ATG14: variants seen among roughly 807,000 people sequenced by gnomAD.
The protein encoded by ATG14 is beclin 1-associated autophagy-related key regulator.
A neutral mutation model predicts 60.4 loss-of-function variants in ATG14; 35 were observed. The observed-to-expected ratio is 0.58, with a 90% CI of 0.44 to 0.77. The LOEUF (loss-of-function observed/expected upper bound fraction) is 0.77. Among genes scored for constraint, ATG14 ranks in the 30% least tolerant of loss-of-function variants. The probability of loss-of-function intolerance (pLI) is 0.00; values close to 1 mark genes in which losing one functional copy is unlikely to be tolerated. For synonymous variants in ATG14, 234 were observed against 228.8 expected (o/e 1.02, Z -0.21); for missense variants, 647 against 626.3 (o/e 1.03, Z -0.35).
chr14:55,377,889 G>T lies in ATG14; in HGVS notation c.1102C>A (p.Gln368Lys). 1.2e-6 allele frequency: 2 copies of T among 1,605,476 alleles called. No individual in the cohort carries two copies. Among genetic ancestry groups the T allele is most frequent in the Non-Finnish European group, 1.7e-6 (2 of 1,176,838 alleles). Reference protein sequence around the residue: ...LCFSQHVNLDQLQPLHTLRNL... With the variant: ...LCFSQHVNLDKLQPLHTLRNL... ...CTGAGGGTATGCAGTGGTTGTAATTGATCTAAATTTACATGCTAAAAAAAA... is the reference window on the plus strand; with the variant it reads ...CTGAGGGTATGCAGTGGTTGTAATTTATCTAAATTTACATGCTAAAAAAAA... The change falls in exon 9 of 10, where the codon CAA becomes AAA. Residue 368 changes from glutamine (Q) to lysine (K), a missense_variant. Gln to Lys is a moderately conservative substitution (Grantham distance 53). Transcript: ENST00000247178.
chr14:55,369,397 C>T lies in ATG14; in HGVS notation c.*222G>A. The T allele has an allele frequency of 2.5e-6, 1 of 399,014 alleles. No individual in the cohort carries two copies. Among genetic ancestry groups the T allele is most frequent in the South Asian group, 9.0e-5 (1 of 11,078 alleles). 24.7% of individuals were successfully genotyped at this position (399,014 alleles called of 1,614,324 possible). A position where few individuals can be genotyped will look rare whatever the true frequency, so the allele number is the denominator to read the frequency against. On this transcript the variant is annotated 3_prime_UTR_variant, in exon 10 of 10. Coordinates refer to ENST00000247178, the MANE Select transcript of ATG14 (RefSeq NM_014924.5). ...CCAGCACTGGTCTGGGTAGAAAGACCTTCGACCCCTGTTCTCTTAATTATC... is the reference window on the plus strand; with the variant it reads ...CCAGCACTGGTCTGGGTAGAAAGACTTTCGACCCCTGTTCTCTTAATTATC...
At position 55,402,964 on chromosome 14, in the gene ATG14, T is replaced by TATATAA. The variant is rs1555342968; in HGVS notation, c.222-5536_222-5531dup. 2.4e-3 allele frequency among the ~76,000 whole-genome samples: 143 copies of TATATAA among 59,714 alleles called. 1 individual carries two copies. The highest frequency in any genetic ancestry group is 4.1e-3 in the Non-Finnish European group (128 of 31,130). The allele number at this position is 59,714 out of a possible 152,430, so 39.2% of individuals were successfully genotyped here. On this transcript the variant is annotated intron_variant, in intron 1 of 9. Coordinates refer to ENST00000247178, the MANE Select transcript of ATG14 (RefSeq NM_014924.5). ...ATATATATATATATATATATATATATATATAAATAGCTGGGCATAGTGGTG... is the reference window on the plus strand; with the variant it reads ...ATATATATATATATATATATATATATATATAAATATAAATAGCTGGGCATAGTGGTG...
intron 3 of ATG14, chr14:55,395,174 T>C (rs559429343): frequency 1.1e-4 from 51 of 452,130 alleles, no homozygotes; most frequent in South Asian, 4.4e-4. Flanking sequence ...AGCGTGCCGA[T>C]CTCCTCTTGG....
chr14:55,406,020 G>A lies in ATG14; in HGVS notation c.221+5582C>T, dbSNP rs374844327. Among the ~76,000 whole-genome samples the A allele has an allele frequency of 2.7e-3, 418 of 152,162 alleles. 1 individual carries two copies. Among genetic ancestry groups the A allele is most frequent in the African/African-American group, 9.6e-3 (398 of 41,490 alleles). ...AAAGTTGTAGGGAAGTCTTCCCATC[G>A]AACAACGACAAAAAAATAATGAGTT... is the stretch of plus-strand genomic sequence containing the variant. On this transcript the variant is annotated intron_variant, in intron 1 of 9. Coordinates refer to ENST00000247178, the MANE Select transcript of ATG14 (RefSeq NM_014924.5).
At chr14:55,405,233 C>T (rs1245581752) in intron 1 of ATG14, among the ~76,000 whole-genome samples, 1 of 152,136 alleles carries the variant, frequency 6.6e-6, no homozygotes, top group Non-Finnish European at 1.5e-5. Flanking sequence ...GGCTGACAAA[C>T]AAAAATATAC....
intron 1 of ATG14, among the ~76,000 whole-genome samples, chr14:55,408,387 T>G (rs1885521661): frequency 6.6e-6 from 1 of 151,674 alleles, no homozygotes; most frequent in South Asian, 2.1e-4. Flanking sequence ...AACAGGGAGG[T>G]CAAAGCTGCA....
rs751079424 is a variant in ATG14, at chr14:55,377,824, T to G, written c.1167A>C (p.Leu389=). ...AGCAACAAATATCTTCTTACCTGCC[T>G]AGGTGTTCAGAGCTTGGACTGACCA... The part of the protein sequence containing the change: ...MYLVSPSSEH[L]GRSGPFEVRA... The change falls in exon 9 of 10, where the codon CTA becomes CTC. Residue 389 remains leucine, a synonymous_variant. Transcript: ENST00000247178. The G allele has an allele frequency of 3.8e-6, 6 of 1,576,534 alleles. No homozygotes were observed. The highest frequency in any genetic ancestry group is 5.1e-6 in the Non-Finnish European group (6 of 1,165,110).
chr14:55,380,577 T>C lies in ATG14; in HGVS notation c.991A>G (p.Asn331Asp). ...TTACCACCTTCAATTACTTGCCTGT[T>C]GCAGAGCTTTTTGGGAAGATTTACA... Reference protein sequence around the residue: ...LDVNLPKKLCNSEFCGENLSK... With the variant: ...LDVNLPKKLCDSEFCGENLSK... Residue 331 changes from asparagine to aspartate, a missense_variant, in exon 7 of 10, where the codon AAC becomes GAC. Asn to Asp is a conservative substitution (Grantham distance 23, BLOSUM62 1). Transcript: ENST00000247178. The C allele has an allele frequency of 2.5e-6, 4 of 1,600,888 alleles. No individual in the cohort carries two copies. The highest frequency in any genetic ancestry group is 3.4e-6 in the Non-Finnish European group (4 of 1,169,678).
intron 5 of ATG14, among the ~76,000 whole-genome samples, chr14:55,385,307 C>G (rs1885105054): frequency 6.6e-6 from 1 of 151,940 alleles, no homozygotes; most frequent in South Asian, 2.1e-4. Context: ...TTGTTTGTTT[C>G]TTTGAGACAG....
At chr14:55,372,066 T>C (rs560649017) in intron 9 of ATG14, among the ~76,000 whole-genome samples, 79 of 152,258 alleles carry the variant, frequency 5.2e-4, no homozygotes, top group Non-Finnish European at 1.0e-3. Flanking sequence ...AGAGCCATCT[T>C]TTCCGATTCC....
intron 2 of ATG14, among the ~76,000 whole-genome samples, chr14:55,396,339 A>G (rs1010620571): frequency 2.0e-5 from 3 of 152,260 alleles, no homozygotes; most frequent in Non-Finnish European, 4.4e-5. Flanking sequence ...GATACATGCC[A>G]GCATCTCCAC....
At chr14:55,389,462 C>A (rs530449703) in intron 4 of ATG14, among the ~76,000 whole-genome samples, 1 of 152,316 alleles carries the variant, frequency 6.6e-6, no homozygotes, top group South Asian at 2.1e-4. Flanking sequence ...CCGTGAAACT[C>A]CACGTGAGCA....
chr14:55,385,979 A>G lies in ATG14; in HGVS notation c.527T>C (p.Val176Ala), dbSNP rs1184543122. 1.2e-6 allele frequency: 2 copies of G among 1,614,096 alleles called. No individual in the cohort carries two copies. Among genetic ancestry groups the G allele is most frequent in the Non-Finnish European group, 8.5e-7 (1 of 1,179,998 alleles). ...TCTTAAGTCAATGGTCTTTTTTTCT[A>G]CCAGGTCACCAAGTTTGCGATTATG... Reference protein sequence around the residue: ...QRHNRKLGDLVEKKTIDLRSH... With the variant: ...QRHNRKLGDLAEKKTIDLRSH... Residue 176 changes from valine to alanine, a missense_variant, in exon 5 of 10, where the codon GTA (valine) becomes GCA (alanine). By Grantham distance (64) the Val-to-Ala change is moderately conservative. Transcript: ENST00000247178.
chr14:55,393,205 C>A (rs531605324), intron 3 of ATG14, among the ~76,000 whole-genome samples: 3 of 143,014 alleles, frequency 2.1e-5, no homozygotes, highest in Non-Finnish European at 3.1e-5. Context: ...CACGGTGAAA[C>A]CCCGTCTCTA....
intron 4 of ATG14, among the ~76,000 whole-genome samples, chr14:55,388,725 T>C (rs1487952710): frequency 1.3e-5 from 2 of 152,164 alleles, no homozygotes; most frequent in Non-Finnish European, 2.9e-5. Flanking sequence ...CCGAGCATAG[T>C]TTCTGGCCTC....
chr14:55,397,072 T>C lies in ATG14; in HGVS notation c.284+300A>G, dbSNP rs115854004. Reference sequence around the variant, plus strand: ...GTCCTATGGGAGCCACCAGCACTAATTTAAGTCTACTAATCATGCTGACTG... The same window carrying C: ...GTCCTATGGGAGCCACCAGCACTAACTTAAGTCTACTAATCATGCTGACTG... On this transcript the variant is annotated intron_variant, in intron 2 of 9. Coordinates refer to ENST00000247178, the MANE Select transcript of ATG14 (RefSeq NM_014924.5). 4.6e-3 allele frequency among the ~76,000 whole-genome samples: 694 copies of C among 152,340 alleles called. 6 individuals carry two copies. Among genetic ancestry groups the C allele is most frequent in the African/African-American group, 0.016 (663 of 41,564 alleles).
rs1323890007 is a variant in ATG14 at position 55,367,641 on chromosome 14, G to A, written c.*1978C>T. 4 of 152,122 alleles carry A rather than the reference G, an allele frequency of 2.6e-5. No individual in the cohort carries two copies. Among genetic ancestry groups the A allele is most frequent in the African/African-American group, 9.7e-5 (4 of 41,414 alleles). 9.4% of individuals were successfully genotyped at this position (152,122 alleles called of 1,614,324 possible). ...TGCCTATAATCCCAGCTACTCGGGA[G>A]GTTGAGATGGAAGAATTGCTTGAAC... On this transcript the variant is annotated 3_prime_UTR_variant, in exon 10 of 10. Transcript: ENST00000247178.
chr14:55,369,890 TCCTC>T lies in ATG14; in HGVS notation c.1204_1207del (p.Glu402SerfsTer71). The T allele has an allele frequency of 6.2e-7, 1 of 1,613,564 alleles. No individual in the cohort carries two copies. Among genetic ancestry groups the T allele is most frequent in the Non-Finnish European group, 8.5e-7 (1 of 1,179,598 alleles). ...TCCGGGATCCACAAATTCCATGGAC[TCCTC>T]AAGGTCTGCTCGTACTTCAAAGGGC... is the stretch of plus-strand genomic sequence containing the variant. On this transcript the variant is annotated frameshift_variant, in exon 10 of 10. Coordinates refer to ENST00000247178, the MANE Select transcript of ATG14 (RefSeq NM_014924.5). LOFTEE classifies it high-confidence loss of function.
intron 3 of ATG14, among the ~76,000 whole-genome samples, chr14:55,393,911 TTTA>T (rs1358766617): frequency 2.6e-5 from 4 of 152,186 alleles, no homozygotes; most frequent in Middle Eastern, 3.4e-3. Context: ...TTTATCCTAG[TTTA>T]TTATTTTTTT....
Sources: gnomAD v4.1 joint callset for allele counts (sites outside exome capture counted in the v4.1 genomes callset) on GRCh38, gnomAD v4.1.1 for gene constraint, MANE v1.5 for transcripts, NCBI Gene and HGNC (gene_info 2026-07-23, HGNC 2026-07-21) for gene names.